IGSF10: variants seen among roughly 807,000 people sequenced by gnomAD.
The protein encoded by IGSF10 is immunoglobulin superfamily member 10.
IGSF10 carries 126 observed loss-of-function variants against 128.2 expected under a neutral mutation model. The observed-to-expected ratio is 0.98, with a 90% CI of 0.85 to 1.14. The LOEUF (loss-of-function observed/expected upper bound fraction) is 1.14, where lower values mean the gene tolerates loss of function less well. IGSF10 is among the 50% of genes most tolerant of loss of function. The pLI, the probability that IGSF10 is intolerant of heterozygous loss-of-function variation, is 0.00. For missense variants in IGSF10, 3,295 were observed against 3,149.8 expected, an observed-to-expected ratio of 1.05 and a Z score of -1.10; for synonymous variants, 1,185 against 1,146.2, an observed-to-expected ratio of 1.03 and a Z score of -0.68.
the IGSF10 span, among the ~76,000 whole-genome samples, chr3:151,555,872 C>A: frequency 6.6e-6 from 1 of 152,142 alleles, no homozygotes. Context: ...CCTTGCCTTT[C>A]CCTGCAAATA....
At chr3:151,584,469 T>C in the IGSF10 span, among the ~76,000 whole-genome samples, 1 of 152,342 alleles carries the variant, frequency 6.6e-6, no homozygotes, top group East Asian at 1.9e-4. Flanking sequence ...TTATTTGTCT[T>C]ACTTATTTTA....
chr3:151,595,055 C>T, the IGSF10 span, among the ~76,000 whole-genome samples: 3 of 151,822 alleles, frequency 2.0e-5, no homozygotes, highest in African/African-American at 7.3e-5. Flanking sequence ...AAATCAAAAC[C>T]ACAATGAGAT....
the IGSF10 span, among the ~76,000 whole-genome samples, chr3:151,466,604 A>T: frequency 6.6e-6 from 1 of 152,050 alleles, no homozygotes; most frequent in Non-Finnish European, 1.5e-5. Context: ...TTCGAGATAG[A>T]GTCTCACTCT....
the IGSF10 span, among the ~76,000 whole-genome samples, chr3:151,477,894 A>G: frequency 6.6e-6 from 1 of 152,220 alleles, no homozygotes; most frequent in Non-Finnish European, 1.5e-5. Context: ...ACAAGTGAGC[A>G]TGGCTATGCT....
At chr3:151,615,981 T>TTTTTGG in the IGSF10 span, among the ~76,000 whole-genome samples, 1 of 145,584 alleles carries the variant, frequency 6.9e-6, no homozygotes, top group Non-Finnish European at 1.5e-5. Flanking sequence ...TTTTTTTTTT[T>TTTTTGG]GAGATTAAGT....
In IGSF10 at chr3:151,458,715, A is replaced by G; in HGVS notation, c.-1-5T>C. ...CCTCTGCCTTTTACCTTCATCCTGAAAAAACATCATACCTCAGAGTTATAA... is the reference window on the plus strand; with the variant it reads ...CCTCTGCCTTTTACCTTCATCCTGAGAAAACATCATACCTCAGAGTTATAA... On this transcript the variant is annotated splice_polypyrimidine_tract_variant and splice_region_variant and intron_variant, in intron 2 of 7. Coordinates refer to ENST00000282466, the MANE Select transcript of IGSF10 (RefSeq NM_178822.5). 6.2e-7 allele frequency: 1 copy of G among 1,611,208 alleles called. No individual in the cohort carries two copies. The highest frequency in any genetic ancestry group is 1.3e-5 in the African/African-American group (1 of 74,986).
chr3:151,564,689 T>C, the IGSF10 span, among the ~76,000 whole-genome samples: 1 of 152,122 alleles, frequency 6.6e-6, no homozygotes, highest in Non-Finnish European at 1.5e-5. Context: ...TTACGGCAGT[T>C]GAATGAGGTA....
the IGSF10 span, among the ~76,000 whole-genome samples, chr3:151,507,714 C>A: frequency 3.3e-4 from 50 of 152,218 alleles, no homozygotes; most frequent in African/African-American, 1.2e-3. Flanking sequence ...ATGAGGGTAA[C>A]CACTACCATG....
At chr3:151,507,755 C>T in the IGSF10 span, among the ~76,000 whole-genome samples, 389 of 152,186 alleles carry the variant, frequency 2.6e-3, 1 homozygote, top group Admixed American at 5.1e-3. Flanking sequence ...TCCCTCTGCC[C>T]ACATGAGGAT....
chr3:151,607,912 GAAAAAAAAAAAA>G, the IGSF10 span, among the ~76,000 whole-genome samples: 8 of 42,048 alleles, frequency 1.9e-4, no homozygotes, highest in Non-Finnish European at 2.4e-4. Flanking sequence ...CTCCATCTCG[GAAAAAAAAAAAA>G]AAAAAAAAAA....
chr3:151,495,954 T>G, the IGSF10 span, among the ~76,000 whole-genome samples: 1 of 152,140 alleles, frequency 6.6e-6, no homozygotes, highest in East Asian at 1.9e-4. Flanking sequence ...TTTTACCATA[T>G]TTGCTTATAT....
the IGSF10 span, among the ~76,000 whole-genome samples, chr3:151,560,977 A>G: frequency 6.6e-6 from 1 of 152,158 alleles, no homozygotes; most frequent in Non-Finnish European, 1.5e-5. Flanking sequence ...TATTTATTGT[A>G]TTTGTTCCAA....
the IGSF10 span, among the ~76,000 whole-genome samples, chr3:151,512,424 G>A: frequency 1.3e-5 from 2 of 152,016 alleles, no homozygotes; most frequent in African/African-American, 4.8e-5. Flanking sequence ...CGAGAACAAA[G>A]ACACAACATA....
the IGSF10 span, among the ~76,000 whole-genome samples, chr3:151,567,437 A>G: frequency 6.6e-6 from 1 of 152,216 alleles, no homozygotes; most frequent in Non-Finnish European, 1.5e-5. Context: ...GGAACTAACA[A>G]GAAAAACTTT....
the IGSF10 span, among the ~76,000 whole-genome samples, chr3:151,475,372 G>A: frequency 6.6e-6 from 1 of 152,324 alleles, no homozygotes; most frequent in South Asian, 2.1e-4. Flanking sequence ...TAACCAAAAG[G>A]GGGGAAATGT....
Position 151,438,609 on chromosome 3 carries a change from AGAGATTCATTT to A in IGSF10, c.5964-23_5964-13del. ...TCCAGCTGCCCACTCTAAGGAGAAAAGAGATTCATTTGAGTGTGCAGCTGTTAGCAATGAGG... is the reference window on the plus strand; with the variant it reads ...TCCAGCTGCCCACTCTAAGGAGAAAAGAGTGTGCAGCTGTTAGCAATGAGG... On this transcript the variant is annotated splice_polypyrimidine_tract_variant and intron_variant, in intron 7 of 7. Coordinates refer to ENST00000282466, the MANE Select transcript of IGSF10 (RefSeq NM_178822.5). 6.3e-7 allele frequency: 1 copy of A among 1,599,100 alleles called. No homozygotes were observed. Among genetic ancestry groups the A allele is most frequent in the Non-Finnish European group, 8.5e-7 (1 of 1,169,862 alleles).
At chr3:151,511,223 G>A in the IGSF10 span, among the ~76,000 whole-genome samples, 3 of 152,138 alleles carry the variant, frequency 2.0e-5, no homozygotes, top group Admixed American at 1.3e-4. Flanking sequence ...AGAAAGGTCG[G>A]GTTACCCACA....
At chr3:151,500,565 T>C in the IGSF10 span, among the ~76,000 whole-genome samples, 280 of 152,236 alleles carry the variant, frequency 1.8e-3, 1 homozygote, top group African/African-American at 6.3e-3. Flanking sequence ...GTGTTCAGCT[T>C]TTTAAATTCA....
At chr3:151,461,546 G>T, upstream of IGSF10, 2 of 548,444 alleles carry the variant, frequency 3.6e-6, no homozygotes, top group Non-Finnish European at 4.6e-6. Flanking sequence ...GGTTACTATA[G>T]TGAAACAACA....
Sources: allele counts gnomAD v4.1 joint callset (sites outside exome capture counted in the v4.1 genomes callset), GRCh38; gene constraint gnomAD v4.1.1; transcripts MANE v1.5; gene names NCBI Gene and HGNC (gene_info 2026-07-23, HGNC 2026-07-21).